The following BMPR1B variants were observed in gnomAD, a reference collection of about 807,000 sequenced individuals.
BMPR1B encodes the protein bone morphogenetic protein receptor type-1B.
Under a neutral mutation model 59.1 loss-of-function variants are expected in BMPR1B, and 12 were observed. The observed-to-expected ratio is 0.20, with a 90% CI of 0.13 to 0.33. BMPR1B has a LOEUF of 0.33. Among genes scored for constraint, BMPR1B ranks in the 10% least tolerant of loss-of-function variants. The pLI is 1.00. For synonymous variants in BMPR1B, 237 were observed against 207.3 expected (o/e 1.14, Z -1.23); for missense variants, 550 against 610.9 (o/e 0.90, Z 1.05).
intron 1 of BMPR1B, among the ~76,000 whole-genome samples, chr4:94,814,386 G>T (rs1356547780): frequency 1.3e-5 from 2 of 152,146 alleles, no homozygotes; most frequent in African/African-American, 2.4e-5. Context: ...ACTAATTGTT[G>T]ACCTATCCTC....
intron 1 of BMPR1B, among the ~76,000 whole-genome samples, chr4:94,847,711 G>A (rs539772021): frequency 1.1e-4 from 16 of 151,962 alleles, no homozygotes; most frequent in Non-Finnish European, 2.1e-4. Flanking sequence ...GCATGTTCTT[G>A]TTCATTTGTG....
At chr4:94,884,440 C>T (rs919348308) in intron 2 of BMPR1B, among the ~76,000 whole-genome samples, 3 of 152,000 alleles carry the variant, frequency 2.0e-5, no homozygotes, top group Admixed American at 2.0e-4. Context: ...GCAGGAGAGT[C>T]ACTTGAACTC....
chr4:94,796,796 G>A (rs1723211743), intron 1 of BMPR1B, among the ~76,000 whole-genome samples: 1 of 152,120 alleles, frequency 6.6e-6, no homozygotes, highest in Non-Finnish European at 1.5e-5. Flanking sequence ...ATTGTTGTGG[G>A]TGTTAAGGAG....
At chr4:94,982,518 C>G (rs1387678946) in intron 2 of BMPR1B, among the ~76,000 whole-genome samples, 1 of 152,154 alleles carries the variant, frequency 6.6e-6, no homozygotes, top group East Asian at 1.9e-4. Context: ...TGGCATCTGC[C>G]TTTTACTCCA....
chr4:94,847,564 A>G (rs1725384672), intron 1 of BMPR1B, among the ~76,000 whole-genome samples: 1 of 152,158 alleles, frequency 6.6e-6, no homozygotes, highest in Admixed American at 6.5e-5. Context: ...TGAATGGATA[A>G]GGAAAATATG....
chr4:95,071,434 G>A (rs951655767), intron 3 of BMPR1B, among the ~76,000 whole-genome samples: 1 of 151,926 alleles, frequency 6.6e-6, no homozygotes, highest in African/African-American at 2.4e-5. Context: ...TACCTTAGCT[G>A]TGGATGAAAT....
At position 95,033,793 on chromosome 4, in the gene BMPR1B, A is replaced by G. The variant is rs548545851; in HGVS notation, c.-18+37659A>G. 2.0e-3 allele frequency among the ~76,000 whole-genome samples: 297 copies of G among 152,280 alleles called. 4 individuals carry two copies. The South Asian group carries it at 0.028, about 14-fold the overall frequency. The stretch of plus-strand genomic sequence containing the variant: ...TTTGTTTATTTTTTAAAGATATCAA[A>G]GATAGATAAAGAGGTAATTGTTAAA... On this transcript the variant is annotated intron_variant, in intron 3 of 12. Transcript: ENST00000515059.
chr4:94,999,229 T>C (rs1350941918), intron 3 of BMPR1B, among the ~76,000 whole-genome samples: 1 of 152,206 alleles, frequency 6.6e-6, no homozygotes, highest in Non-Finnish European at 1.5e-5. Flanking sequence ...ATATAACAAG[T>C]GTCCCAGAAT....
intron 2 of BMPR1B, among the ~76,000 whole-genome samples, chr4:94,902,046 GGTGTGTGTGTGTGTGTGT>G (rs34068392): frequency 9.2e-5 from 11 of 119,132 alleles, no homozygotes; most frequent in South Asian, 2.9e-4. Flanking sequence ...CAGACTGCAT[GGTGTGTGTGTGTGTGTGT>G]GTGTGTGTGT....
At chr4:94,830,214 A>G (rs1228675484) in intron 1 of BMPR1B, among the ~76,000 whole-genome samples, 2 of 152,112 alleles carry the variant, frequency 1.3e-5, no homozygotes, top group Non-Finnish European at 2.9e-5. Context: ...GGGAAAATTC[A>G]AAATTTAGAA....
rs184878723 is a variant in BMPR1B, at chr4:95,099,012, G to A, written c.-17-5396G>A. Among the ~76,000 whole-genome samples the A allele has an allele frequency of 2.6e-3, 401 of 152,174 alleles. 2 individuals carry two copies. Among genetic ancestry groups the A allele is most frequent in the Admixed American group, 8.6e-3 (132 of 15,276 alleles). On this transcript the variant is annotated intron_variant, in intron 3 of 12. Transcript: ENST00000515059. ...ATTACAGGCATTAGCCACCGCACCC[G>A]GCCATCAATTATTTTAAAGTTATCA... is the stretch of plus-strand genomic sequence containing the variant.
chr4:94,939,287 C>T (rs1249752505), intron 2 of BMPR1B, among the ~76,000 whole-genome samples: 8 of 152,018 alleles, frequency 5.3e-5, no homozygotes, highest in Admixed American at 5.2e-4. Context: ...CTTCTTTGCT[C>T]TAGAATTAAT....
intron 3 of BMPR1B, among the ~76,000 whole-genome samples, chr4:95,010,582 C>T (rs1235195334): frequency 6.6e-6 from 1 of 152,150 alleles, no homozygotes; most frequent in Non-Finnish European, 1.5e-5. Context: ...GGAGTCTCTG[C>T]TCCTTGGAAA....
chr4:95,037,963 G>T (rs1212338279), intron 3 of BMPR1B, among the ~76,000 whole-genome samples: 1 of 152,144 alleles, frequency 6.6e-6, no homozygotes, highest in Non-Finnish European at 1.5e-5. Flanking sequence ...AATAAACATA[G>T]TAAGCAAATT....
chr4:95,114,645 G>C (rs1579101048), intron 4 of BMPR1B, 75 bp from the exon 5 acceptor site: 1 of 990,130 alleles, frequency 1.0e-6, no homozygotes, highest in South Asian at 1.3e-5. Flanking sequence ...TTTTCCCCTA[G>C]ACACACACAC....
At chr4:94,861,180 T>A (rs534479457) in intron 1 of BMPR1B, among the ~76,000 whole-genome samples, 1 of 152,350 alleles carries the variant, frequency 6.6e-6, no homozygotes, top group Admixed American at 6.5e-5. Flanking sequence ...GTCCTGCTGC[T>A]TGCTAGCTGG....
chr4:95,155,566 A>G lies in BMPR1B; in HGVS notation c.*893A>G, dbSNP rs1735365325. The G allele has an allele frequency of 7.2e-6, 1 of 138,262 alleles. No homozygotes were observed. Among genetic ancestry groups the G allele is most frequent in the Non-Finnish European group, 1.5e-5 (1 of 65,888 alleles). The allele number at this position is 138,262 out of a possible 1,614,324, so 8.6% of individuals were successfully genotyped here. A position where few individuals can be genotyped will look rare whatever the true frequency, so the allele number is the denominator to read the frequency against. On this transcript the variant is annotated 3_prime_UTR_variant, in exon 13 of 13. Coordinates refer to ENST00000515059, the MANE Select transcript of BMPR1B (RefSeq NM_001203.3). ...ATCTCTCATTCAAAGGATCAATATT[A>G]AATAAAATTGTCATGAGCTGTGTTG...
intron 2 of BMPR1B, among the ~76,000 whole-genome samples, chr4:94,891,370 AC>A (rs1727386738): frequency 6.6e-6 from 1 of 152,142 alleles, no homozygotes; most frequent in Non-Finnish European, 1.5e-5. Flanking sequence ...ATTAACAGAT[AC>A]ATATATGAAA....
At chr4:94,915,313 A>C (rs1186750812) in intron 2 of BMPR1B, among the ~76,000 whole-genome samples, 3 of 152,094 alleles carry the variant, frequency 2.0e-5, no homozygotes, top group Non-Finnish European at 2.9e-5. Flanking sequence ...AAAGAACATG[A>C]GTTATTTGAA....
Sources: gnomAD v4.1 joint callset for allele counts (sites outside exome capture counted in the v4.1 genomes callset) on GRCh38, gnomAD v4.1.1 for gene constraint, MANE v1.5 for transcripts, NCBI Gene and HGNC (gene_info 2026-07-23, HGNC 2026-07-21) for gene names.